Variants in ANXA3 observed in about 807,000 individuals in gnomAD.
ANXA3 encodes the protein annexin A3.
Under a neutral mutation model 48.8 loss-of-function variants are expected in ANXA3, and 46 were observed. That is an observed-to-expected ratio of 0.94 (90% CI 0.74 to 1.21). The LOEUF is 1.21. Among genes scored for constraint, ANXA3 ranks in the 50% most tolerant of loss-of-function variants. ANXA3 has a pLI of 0.00. For missense variants in ANXA3, 383 were observed against 378.6 expected, an observed-to-expected ratio of 1.01 and a Z score of -0.10; for synonymous variants, 128 against 134.7, an observed-to-expected ratio of 0.95 and a Z score of 0.35.
intron 7 of ANXA3, among the ~76,000 whole-genome samples, chr4:78,593,837 GAGA>G (rs1346149249): frequency 7.2e-6 from 1 of 138,718 alleles, no homozygotes; most frequent in Non-Finnish European, 1.5e-5. Flanking sequence ...TTTAGAGCGA[GAGA>G]AGGTCTCACT....
intron 9 of ANXA3, among the ~76,000 whole-genome samples, chr4:78,596,524 G>A (rs186575427): frequency 1.3e-4 from 20 of 152,294 alleles, no homozygotes; most frequent in Admixed American, 2.6e-4. Context: ...CAACCACACA[G>A]CAAGACCAAG....
chr4:78,593,835 G>A (rs541357607), intron 7 of ANXA3, among the ~76,000 whole-genome samples: 7 of 138,320 alleles, frequency 5.1e-5, no homozygotes, highest in South Asian at 4.5e-4. Flanking sequence ...TTTTTAGAGC[G>A]AGAGAAGGTC....
rs140759523 is a variant in ANXA3, at chr4:78,563,333, A to G, written c.15+8845A>G. On this transcript the variant is annotated intron_variant, in intron 2 of 12. Coordinates refer to ENST00000264908, the MANE Select transcript of ANXA3 (RefSeq NM_005139.3). ...TCATAGGAGTGAGGTGGATAGAGTA[A>G]GTGTCCCCAAATCCTGCAAAGCCAG... 1.5e-3 allele frequency among the ~76,000 whole-genome samples: 226 copies of G among 152,264 alleles called. 1 individual carries two copies. The highest frequency in any genetic ancestry group is 5.1e-3 in the African/African-American group (212 of 41,534).
In ANXA3 at chr4:78,574,564, AC is replaced by A. The variant is rs544733504; in HGVS notation, c.103+1298del. Among the ~76,000 whole-genome samples the A allele has an allele frequency of 3.4e-3, 525 of 152,342 alleles. 2 individuals are homozygous for A. The highest frequency in any genetic ancestry group is 0.024 in the Middle Eastern group (7 of 294). On this transcript the variant is annotated intron_variant, in intron 3 of 12. Coordinates refer to ENST00000264908, the MANE Select transcript of ANXA3 (RefSeq NM_005139.3). ...AACTTTTAATACCATAACTACATATACATGTACATATTGTTATGCATGGTCT... is the reference window on the plus strand; with the variant it reads ...AACTTTTAATACCATAACTACATATAATGTACATATTGTTATGCATGGTCT...
chr4:78,571,018 C>CTTTCTT (rs112621376), intron 2 of ANXA3: 1 of 150,960 alleles, frequency 6.6e-6, no homozygotes, highest in African/African-American at 2.4e-5. Flanking sequence ...TTCTTTCTTT[C>CTTTCTT]TTTTTTTTTG....
chr4:78,561,791 C>A (rs1174637233), intron 2 of ANXA3, among the ~76,000 whole-genome samples: 1 of 152,120 alleles, frequency 6.6e-6, no homozygotes, highest in African/African-American at 2.4e-5. Flanking sequence ...ACCATGTTCC[C>A]TGAAGCTGCT....
intron 2 of ANXA3, among the ~76,000 whole-genome samples, chr4:78,555,842 C>A (rs565028123): frequency 1.8e-5 from 2 of 112,760 alleles, no homozygotes; most frequent in South Asian, 3.4e-4. Flanking sequence ...CAGAGTGAAA[C>A]CCTATCTATT....
chr4:78,594,749 T>C (rs1169383578), intron 7 of ANXA3, among the ~76,000 whole-genome samples: 11 of 152,218 alleles, frequency 7.2e-5, no homozygotes, highest in African/African-American at 2.7e-4. Context: ...GTTTTAAGAG[T>C]TCTTTATGTA....
In ANXA3 at chr4:78,610,219, T is replaced by C. The variant is rs1723730801; in HGVS notation, c.*104T>C. 1.5e-6 allele frequency: 1 copy of C among 687,296 alleles called. No homozygotes were observed. The highest frequency in any genetic ancestry group is 2.4e-6 in the Non-Finnish European group (1 of 418,414). 42.6% of individuals were successfully genotyped at this position (687,296 alleles called of 1,614,324 possible). A position where few individuals can be genotyped will look rare whatever the true frequency, so the allele number is the denominator to read the frequency against. On this transcript the variant is annotated 3_prime_UTR_variant, in exon 13 of 13. Transcript: ENST00000264908. ...GAACAAGCAAATATAAACAGCAACTTGTGTTCCTAACAGGAATTTTCATTG... is the reference window on the plus strand; with the variant it reads ...GAACAAGCAAATATAAACAGCAACTCGTGTTCCTAACAGGAATTTTCATTG...
intron 2 of ANXA3, 79 bp from the exon 3 acceptor site, chr4:78,573,101 A>G: frequency 1.9e-6 from 2 of 1,044,306 alleles, no homozygotes; most frequent in Non-Finnish European, 3.0e-6. Context: ...TGCCTCTCAT[A>G]TGCATGAAGG....
At position 78,601,505 on chromosome 4, in the gene ANXA3, T is replaced by C; in HGVS notation, c.731-5T>C. The C allele has an allele frequency of 6.2e-7, 1 of 1,613,736 alleles. No individual in the cohort carries two copies. Among genetic ancestry groups the C allele is most frequent in the Non-Finnish European group, 8.5e-7 (1 of 1,179,678 alleles). Reference sequence around the variant, plus strand: ...AAGCTGAACATTATTTGCTTTTTGTTACAGTTAATTGTGTGAGGAACACGC... The same window carrying C: ...AAGCTGAACATTATTTGCTTTTTGTCACAGTTAATTGTGTGAGGAACACGC... On this transcript the variant is annotated splice_region_variant and splice_polypyrimidine_tract_variant and intron_variant, in intron 10 of 12. Transcript: ENST00000264908.
At chr4:78,588,570 G>A (rs1314065008) in intron 6 of ANXA3, among the ~76,000 whole-genome samples, 2 of 152,162 alleles carry the variant, frequency 1.3e-5, no homozygotes, top group Non-Finnish European at 2.9e-5. Flanking sequence ...GGGACCTCAG[G>A]GGCTCAGAGC....
chr4:78,594,928 G>A (rs1162310495), intron 7 of ANXA3, among the ~76,000 whole-genome samples: 1 of 152,152 alleles, frequency 6.6e-6, no homozygotes, highest in Non-Finnish European at 1.5e-5. Flanking sequence ...GAGGCCAGGA[G>A]TTTGAGACCA....
At chr4:78,568,772 C>T (rs937926189) in intron 2 of ANXA3, among the ~76,000 whole-genome samples, 2 of 152,164 alleles carry the variant, frequency 1.3e-5, no homozygotes, top group Non-Finnish European at 2.9e-5. Context: ...CCAGCTTGGC[C>T]AAGCAGTGGC....
chr4:78,570,023 AT>A (rs936345549), intron 2 of ANXA3, among the ~76,000 whole-genome samples: 1 of 152,346 alleles, frequency 6.6e-6, no homozygotes, highest in African/African-American at 2.4e-5. Flanking sequence ...TTGTAAGATT[AT>A]TTTGTAAGTC....
intron 1 of ANXA3, among the ~76,000 whole-genome samples, chr4:78,553,736 T>G (rs1427296070): frequency 6.6e-6 from 1 of 152,208 alleles, no homozygotes; most frequent in African/African-American, 2.4e-5. Context: ...AACTTTTCTC[T>G]GGGGGTGTCA....
At chr4:78,557,115 G>A (rs1258967425) in intron 2 of ANXA3, among the ~76,000 whole-genome samples, 1 of 152,164 alleles carries the variant, frequency 6.6e-6, no homozygotes, top group African/African-American at 2.4e-5. Context: ...GTAGAATTTA[G>A]TTCCTTGTAG....
chr4:78,569,045 G>A (rs1014874754), intron 2 of ANXA3, among the ~76,000 whole-genome samples: 2 of 152,222 alleles, frequency 1.3e-5, no homozygotes, highest in African/African-American at 2.4e-5. Context: ...CAGGAAACGC[G>A]CTTAGCACAG....
intron 3 of ANXA3, 57 bp from the exon 4 acceptor site, chr4:78,578,970 T>C: frequency 8.7e-7 from 1 of 1,151,252 alleles, no homozygotes; most frequent in South Asian, 1.5e-5. Context: ...ATTTTGCTTT[T>C]GTTCAAGACA....
Sources: gnomAD v4.1 joint callset for allele counts (sites outside exome capture counted in the v4.1 genomes callset) on GRCh38, gnomAD v4.1.1 for gene constraint, MANE v1.5 for transcripts, NCBI Gene and HGNC (gene_info 2026-07-23, HGNC 2026-07-21) for gene names.